Variants in TNC observed in about 807,000 individuals in gnomAD.
The protein encoded by TNC is tenascin.
In TNC, 109 loss-of-function variants were observed where a neutral mutation model predicts 202.4. The observed-to-expected ratio is 0.54, with a 90% confidence interval of 0.46 to 0.63. The LOEUF is 0.63. Among genes scored for constraint, TNC ranks in the 30% least tolerant of loss-of-function variants. The probability of loss-of-function intolerance (pLI) is 0.00; values close to 1 mark genes in which losing one functional copy is unlikely to be tolerated. For synonymous variants in TNC, 1,007 were observed against 1,089.7 expected (o/e 0.92, Z 1.50); for missense variants, 2,756 against 2,833.3 (o/e 0.97, Z 0.62).
rs899723166 is a variant in TNC at position 115,020,415 on chromosome 9, C to T, written c.*742G>A. The T allele has an allele frequency of 5.4e-5, 9 of 166,396 alleles. No homozygotes were observed. The East Asian group carries it at 1.0e-3, about 19-fold the overall frequency. The allele number at this position is 166,396 out of a possible 1,614,324, so 10.3% of individuals were successfully genotyped here. ...CTCTCCCAGTCTTTAGTCTCCTTTC[C>T]ACCCCTCCCACTTGACCACTATCCC... On this transcript the variant is annotated 3_prime_UTR_variant, in exon 28 of 28. Coordinates refer to ENST00000350763, the MANE Select transcript of TNC (RefSeq NM_002160.4).
intron 17 of TNC, among the ~76,000 whole-genome samples, chr9:115,045,704 C>CT (rs925489336): frequency 8.3e-4 from 121 of 145,386 alleles, no homozygotes; most frequent in East Asian, 1.6e-3. Flanking sequence ...TATTAACCAT[C>CT]TTTTTTTTTT....
chr9:115,098,313 A>T lies in TNC; in HGVS notation c.-136-7159T>A, dbSNP rs538352611. On this transcript the variant is annotated intron_variant, in intron 1 of 27. Coordinates refer to ENST00000350763, the MANE Select transcript of TNC (RefSeq NM_002160.4). ...AGTCGTAATGGCTTTTTAGCTCATA[A>T]TTTTACACATTAAGCTGCCTCTTGG... 2.0e-5 allele frequency among the ~76,000 whole-genome samples: 3 copies of T among 152,294 alleles called. No individual in the cohort carries two copies. In the South Asian group the frequency reaches 6.2e-4, roughly 32 times the overall value.
intron 13 of TNC, among the ~76,000 whole-genome samples, chr9:115,061,673 T>C (rs1047761479): frequency 2.0e-5 from 3 of 152,194 alleles, no homozygotes; most frequent in Non-Finnish European, 2.9e-5. Context: ...GTGATTTGGA[T>C]TGCATTATCA....
At chr9:115,078,257 T>G in intron 6 of TNC, 45 bp from the exon 7 acceptor site, 1 of 1,556,876 alleles carries the variant, frequency 6.4e-7, no homozygotes, top group Non-Finnish European at 8.7e-7. Context: ...TTAGGGCCAT[T>G]GCCTGAGGCT....
At chr9:115,035,998 G>C (rs1830292901) in intron 21 of TNC, 100 bp downstream of exon 21, 2 of 1,441,206 alleles carry the variant, frequency 1.4e-6, no homozygotes, top group Admixed American at 1.9e-5. Flanking sequence ...GCAAGGCCCT[G>C]ACTTAAGAAA....
At chr9:115,097,869 T>TTGGGA (rs1456348514) in intron 1 of TNC, among the ~76,000 whole-genome samples, 30 of 152,274 alleles carry the variant, frequency 2.0e-4, no homozygotes, top group African/African-American at 7.0e-4. Context: ...AGAAGCCATA[T>TTGGGA]TGGGAAGGAT....
intron 3 of TNC, 56 bp downstream of exon 3, chr9:115,085,808 A>G (rs929146855): frequency 1.4e-5 from 21 of 1,495,878 alleles, no homozygotes; most frequent in Non-Finnish European, 1.9e-5. Context: ...TCCAACCCAT[A>G]CTAGGAGTCC....
chr9:115,030,548 A>T, intron 23 of TNC, 143 bp from the exon 24 acceptor site: 1 of 982,844 alleles, frequency 1.0e-6, no homozygotes, highest in Non-Finnish European at 1.5e-6. Context: ...AACTCATAGA[A>T]ATGGGCAATC....
chr9:115,116,909 A>G (rs781279548), intron 1 of TNC, among the ~76,000 whole-genome samples: 3 of 152,190 alleles, frequency 2.0e-5, no homozygotes, highest in Admixed American at 6.5e-5. Context: ...GGAACAACAC[A>G]CAAGAAACAA....
intron 17 of TNC, among the ~76,000 whole-genome samples, chr9:115,045,694 TA>T (rs1445250442): frequency 6.6e-6 from 1 of 151,906 alleles, no homozygotes; most frequent in Non-Finnish European, 1.5e-5. Context: ...AGAGTCATAT[TA>T]TTAACCATCT....
At chr9:115,095,854 A>G (rs185797320) in intron 1 of TNC, among the ~76,000 whole-genome samples, 5 of 151,556 alleles carry the variant, frequency 3.3e-5, no homozygotes, top group Non-Finnish European at 5.9e-5. Flanking sequence ...AAGTGTGTGT[A>G]TATCTTTGAT....
intron 25 of TNC, among the ~76,000 whole-genome samples, chr9:115,028,955 A>G (rs1046326007): frequency 5.9e-5 from 5 of 84,070 alleles, no homozygotes; most frequent in African/African-American, 2.4e-4. Flanking sequence ...AAAAAAAAAA[A>G]AAAAAAAGAA....
chr9:115,021,971 A>G (rs1829106809), intron 27 of TNC, among the ~76,000 whole-genome samples: 1 of 152,180 alleles, frequency 6.6e-6, no homozygotes, highest in Admixed American at 6.5e-5. Flanking sequence ...CCCTAGTCTC[A>G]AGTAGGGGGA....
chr9:115,080,191 A>G (rs1375449530), intron 6 of TNC, among the ~76,000 whole-genome samples: 1 of 152,236 alleles, frequency 6.6e-6, no homozygotes, highest in African/African-American at 2.4e-5. Context: ...TTCTAAAATA[A>G]GAAGAAATAA....
rs117096104 is a variant in TNC, at chr9:115,035,190, T to C, written c.5787+14A>G. On this transcript the variant is annotated intron_variant, in intron 22 of 27. Coordinates refer to ENST00000350763, the MANE Select transcript of TNC (RefSeq NM_002160.4). ...TTCAACTAGCATTGAGGAGTTGTTA[T>C]ATACTTAAAATACCTTGACTGTGCC... The C allele has an allele frequency of 7.7e-4, 1,240 of 1,600,778 alleles. 3 individuals are homozygous for C. Among genetic ancestry groups the C allele is most frequent in the Non-Finnish European group, 7.4e-4 (869 of 1,174,380 alleles).
chr9:115,104,745 T>TA (rs1220331829), intron 1 of TNC, among the ~76,000 whole-genome samples: 3 of 152,166 alleles, frequency 2.0e-5, no homozygotes, highest in African/African-American at 7.2e-5. Context: ...TTGGGCATAT[T>TA]AAAAAATAAA....
At position 115,073,700 on chromosome 9, in the gene TNC, G is replaced by A; in HGVS notation, c.3117C>T (p.Val1039=). The A allele has an allele frequency of 6.2e-7, 1 of 1,614,144 alleles. No individual in the cohort carries two copies. The highest frequency in any genetic ancestry group is 8.5e-7 in the Non-Finnish European group (1 of 1,180,022). Residue 1039 remains valine, a synonymous_variant, in exon 10 of 28, where the codon GTC becomes GTT. Transcript: ENST00000350763. ...VQLPRNTTSY[V]LRGLEPGQEY... ...CCTGTCCTGGTTCCAGGCCTCTCAG[G>A]ACATAGGAAGTGGTGTTTCTTGGAA...
chr9:115,059,792 A>C lies in TNC; in HGVS notation c.4244T>G (p.Val1415Gly). 6.2e-7 allele frequency: 1 copy of C among 1,613,904 alleles called. No homozygotes were observed. Among genetic ancestry groups the C allele is most frequent in the Non-Finnish European group, 8.5e-7 (1 of 1,179,960 alleles). The change falls in exon 14 of 28, where the codon GTC (valine) becomes GGC (glycine). Residue 1415 changes from valine (V) to glycine (G), a missense_variant. Physicochemically the swap from Val to Gly is moderately radical, Grantham distance 109. Coordinates refer to ENST00000350763, the MANE Select transcript of TNC (RefSeq NM_002160.4). ...GCCCCGGATCACCCCATAGATGGAG[A>C]CTCTATAAGGCGTGGCAGCCTCGAG... ...PGLEAATPYR[V>G]SIYGVIRGYR...
At chr9:115,032,614 T>A (rs1554790247) in intron 22 of TNC, among the ~76,000 whole-genome samples, 4 of 152,220 alleles carry the variant, frequency 2.6e-5, no homozygotes, top group Non-Finnish European at 5.9e-5. Context: ...AAGTTGGGCC[T>A]GGCTATATTT....
Sources: allele counts gnomAD v4.1 joint callset (sites outside exome capture counted in the v4.1 genomes callset), GRCh38; gene constraint gnomAD v4.1.1; transcripts MANE v1.5; gene names NCBI Gene and HGNC (gene_info 2026-07-23, HGNC 2026-07-21).